Variants in TFR2 observed in about 807,000 individuals in gnomAD.
TFR2 encodes transferrin receptor protein 2.
In TFR2, 64 loss-of-function variants were observed where a neutral mutation model predicts 91.9. The ratio of observed to expected loss-of-function variants is 0.70; its 90% CI spans 0.57 to 0.86. TFR2 has a LOEUF of 0.86. Ranked by LOEUF, TFR2 falls within the 40% of genes least tolerant of loss-of-function variation. The pLI is 0.00. For missense variants in TFR2, 950 were observed against 1,080.5 expected, an observed-to-expected ratio of 0.88 and a Z score of 1.69; for synonymous variants, 454 against 459.6, an observed-to-expected ratio of 0.99 and a Z score of 0.15.
Position 100,627,297 on chromosome 7 carries a change from G to C in TFR2, c.1962C>G (p.Ile654Met). ...CCCCAGAGAACTCGTTGAGGTTCCC[G>C]ATGTGCCTGAGGACGACGTCCCCGT... ...GRYGDVVLRH[I>M]GNLNEFSGDL... Residue 654 changes from isoleucine to methionine, a missense_variant, in exon 16 of 18, where the codon ATC becomes ATG. Physicochemically the swap from Ile to Met is conservative, Grantham distance 10. Coordinates refer to ENST00000223051, the MANE Select transcript of TFR2 (RefSeq NM_003227.4). 1 of 1,549,432 alleles carries C rather than the reference G, an allele frequency of 6.5e-7. No individual in the cohort carries two copies.
Position 100,627,563 on chromosome 7 carries a change from G to T in TFR2, c.1767+14C>A. 3 of 1,614,170 alleles carry T rather than the reference G, an allele frequency of 1.9e-6. No individual in the cohort carries two copies. The highest frequency in any genetic ancestry group is 2.5e-6 in the Non-Finnish European group (3 of 1,179,992). On this transcript the variant is annotated intron_variant, in intron 15 of 17. Coordinates refer to ENST00000223051, the MANE Select transcript of TFR2 (RefSeq NM_003227.4). The stretch of plus-strand genomic sequence containing the variant: ...GACTAGCGCTGTGTCTGGGGCAGGG[G>T]GAGGACGTCTCACCTCCATAAAGGA...
rs1391879497 is a variant in TFR2, at chr7:100,640,752, T to G, written c.407A>C (p.Tyr136Ser). Residue 136 changes from tyrosine to serine, a missense_variant, in exon 3 of 18, where the codon TAC (tyrosine) becomes TCC (serine). Tyr to Ser is a moderately radical substitution (Grantham distance 144). Coordinates refer to ENST00000223051, the MANE Select transcript of TFR2 (RefSeq NM_003227.4). The stretch of plus-strand genomic sequence containing the variant: ...GAACATGGCCTGGAGGTCGCTCCAG[T>G]AGAGTCTGCCCTGGTGGAAATCCAG... ...PDLDFHQGRL[Y>S]WSDLQAMFLQ... The G allele has an allele frequency of 6.2e-7, 1 of 1,614,000 alleles. No homozygotes were observed.
chr7:100,632,772 G>A (rs1244664735), intron 6 of TFR2: 2 of 495,556 alleles, frequency 4.0e-6, no homozygotes, highest in Non-Finnish European at 7.2e-6. Flanking sequence ...TAGAGAGGGG[G>A]TTCTCACCGT....
chr7:100,627,412 G>T lies in TFR2; in HGVS notation c.1847C>A (p.Pro616His). The change falls in exon 16 of 18, where the codon CCC (proline) becomes CAC (histidine). Residue 616 changes from proline (P) to histidine (H), a missense_variant. Coordinates refer to ENST00000223051, the MANE Select transcript of TFR2 (RefSeq NM_003227.4). ...CTGGGCCACGGCCTGGGCCACGGCGGGCAGGCGGCCTTGCAGCACCTTATG... is the reference window on the plus strand; with the variant it reads ...CTGGGCCACGGCCTGGGCCACGGCGTGCAGGCGGCCTTGCAGCACCTTATG... ...NLHKVLQGRL[P>H]AVAQAVAQLA... 1.9e-6 allele frequency: 3 copies of T among 1,571,730 alleles called. No individual in the cohort carries two copies. The highest frequency in any genetic ancestry group is 2.6e-6 in the Non-Finnish European group (3 of 1,158,556).
At chr7:100,632,943 G>A in intron 6 of TFR2, 58 bp downstream of exon 6, 3 of 1,613,128 alleles carry the variant, frequency 1.9e-6, no homozygotes, top group Non-Finnish European at 2.5e-6. Flanking sequence ...GATTCTCACT[G>A]GCAGTCCGAC....
chr7:100,638,985 A>G (rs1267238740), intron 3 of TFR2, among the ~76,000 whole-genome samples: 1 of 152,170 alleles, frequency 6.6e-6, no homozygotes, highest in African/African-American at 2.4e-5. Context: ...CAACATATCA[A>G]AAGAGTAATC....
chr7:100,632,849 G>T, intron 6 of TFR2, 152 bp downstream of exon 6: 3 of 1,362,472 alleles, frequency 2.2e-6, no homozygotes, highest in Non-Finnish European at 2.1e-6. Context: ...GGGATTGCAG[G>T]TGAGAACCAT....
intron 17 of TFR2, 89 bp from the exon 18 acceptor site, chr7:100,621,215 GT>G: frequency 2.2e-6 from 3 of 1,379,642 alleles, no homozygotes; most frequent in African/African-American, 1.5e-5. Flanking sequence ...CAGTCTTTTT[GT>G]TTTTTTGTTT....
chr7:100,632,001 A>G, intron 7 of TFR2, 56 bp from the exon 8 acceptor site: 2 of 1,614,114 alleles, frequency 1.2e-6, no homozygotes, highest in East Asian at 2.2e-5. Context: ...AGGAAAAACG[A>G]AAAACATGCC....
chr7:100,626,884 T>C lies in TFR2; in HGVS notation c.2015A>G (p.Gln672Arg). 2 of 1,543,712 alleles carry C rather than the reference T, an allele frequency of 1.3e-6. No individual in the cohort carries two copies. Among genetic ancestry groups the C allele is most frequent in the Non-Finnish European group, 1.7e-6 (2 of 1,146,744 alleles). The change falls in exon 17 of 18, where the codon CAG (glutamine) becomes CGG (arginine). Residue 672 changes from glutamine to arginine, a missense_variant. Gln to Arg is a conservative substitution (Grantham distance 43, BLOSUM62 1). Transcript: ENST00000223051. ...GDLKARGLTL[Q>R]WVYSARGDYI... ...GTCCCCCCGCGCCGAGTACACCCAC[T>C]GCAGGGTCAGCCCGCGGGCCTGGGG...
intron 3 of TFR2, among the ~76,000 whole-genome samples, chr7:100,634,913 A>G (rs1318801301): frequency 2.0e-5 from 3 of 150,486 alleles, no homozygotes; most frequent in Non-Finnish European, 4.4e-5. Flanking sequence ...CTTTCTTTAC[A>G]CACTTTTCTT....
intron 3 of TFR2, 192 bp downstream of exon 3, chr7:100,640,494 C>G: frequency 1.5e-6 from 1 of 646,478 alleles, no homozygotes; most frequent in South Asian, 1.9e-5. Context: ...GAGCCTCAGT[C>G]CCCTGGAACC....
intron 3 of TFR2, among the ~76,000 whole-genome samples, chr7:100,636,684 C>T (rs764589594): frequency 1.3e-5 from 2 of 152,070 alleles, no homozygotes; most frequent in African/African-American, 2.4e-5. Flanking sequence ...CAGTTATCCT[C>T]GCTGTACCTG....
chr7:100,627,941 A>AG lies in TFR2; in HGVS notation c.1570dup (p.Leu524ProfsTer7). 6.2e-7 allele frequency: 1 copy of AG among 1,613,912 alleles called. No individual in the cohort carries two copies. Among genetic ancestry groups the AG allele is most frequent in the East Asian group, 2.2e-5 (1 of 44,874 alleles). ...GACACTCTCAATGAGACTTGTCAGA[A>AG]GGGGGCTGGTCTTGGCATGAAACTT... On this transcript the variant is annotated frameshift_variant, in exon 13 of 18. Transcript: ENST00000223051. LOFTEE classifies it high-confidence loss of function.
intron 8 of TFR2, chr7:100,631,468 C>T (rs759846944): frequency 5.0e-5 from 15 of 301,342 alleles, no homozygotes; most frequent in Non-Finnish European, 9.7e-5. Context: ...ACTAAAAATA[C>T]AAAAATTAGC....
At chr7:100,631,714 C>A (rs910507224) in intron 8 of TFR2, 92 bp downstream of exon 8, 3 of 1,531,634 alleles carry the variant, frequency 2.0e-6, no homozygotes, top group Non-Finnish European at 2.6e-6. Flanking sequence ...CAAGAGTCAC[C>A]TTTTTCTAGT....
At chr7:100,631,075 G>A (rs1405351270) in intron 8 of TFR2, 23 bp from the exon 9 acceptor site, 3 of 1,533,986 alleles carry the variant, frequency 2.0e-6, no homozygotes, top group Non-Finnish European at 2.6e-6. Flanking sequence ...AAGGCAGAAA[G>A]GGGGAAGTTG....
rs1420428354 is a variant in TFR2 at position 100,620,808 on chromosome 7, G to A, written c.*49C>T. 1.2e-6 allele frequency: 2 copies of A among 1,611,964 alleles called. No homozygotes were observed. The highest frequency in any genetic ancestry group is 1.7e-6 in the Non-Finnish European group (2 of 1,178,712). Reference sequence around the variant, plus strand: ...TGACCCTGAATCATTCAAGCGAGGAGCAGAGGAGCTCTTGACTGGGGGACG... The same window carrying A: ...TGACCCTGAATCATTCAAGCGAGGAACAGAGGAGCTCTTGACTGGGGGACG... On this transcript the variant is annotated 3_prime_UTR_variant, in exon 18 of 18. Coordinates refer to ENST00000223051, the MANE Select transcript of TFR2 (RefSeq NM_003227.4).
chr7:100,634,177 A>AACACACACACACACACACACACAC (rs3076877), intron 3 of TFR2, among the ~76,000 whole-genome samples: 101 of 132,796 alleles, frequency 7.6e-4, no homozygotes, highest in East Asian at 5.0e-3. Context: ...TCCCGACGTC[A>AACACACACACACACACACACACAC]ACACACACAC....
Sources: allele counts gnomAD v4.1 joint callset (sites outside exome capture counted in the v4.1 genomes callset), GRCh38; gene constraint gnomAD v4.1.1; transcripts MANE v1.5; gene names NCBI Gene and HGNC (gene_info 2026-07-23, HGNC 2026-07-21).